AGR3: variants seen among roughly 807,000 people sequenced by gnomAD.
The protein encoded by AGR3 is anterior gradient 3, protein disulphide isomerase family member.
A neutral mutation model predicts 24.5 loss-of-function variants in AGR3; 37 were observed. That is an observed-to-expected ratio of 1.51 (90% confidence interval 1.16 to 1.99). AGR3 has a LOEUF of 1.99. Among genes scored for constraint, AGR3 ranks in the 30% most tolerant of loss-of-function variants. The pLI, the probability that AGR3 is intolerant of heterozygous loss-of-function variation, is 0.00. For missense variants in AGR3, 228 were observed against 191.1 expected (o/e 1.19, Z -1.14); for synonymous variants, 75 against 61.6 (o/e 1.22, Z -1.02).
chr7:16,864,978 C>T (rs146211125), intron 3 of AGR3: 7 of 984,852 alleles, frequency 7.1e-6, no homozygotes, highest in Admixed American at 5.1e-5. Context: ...AGTCTCCTGG[C>T]ATGTGTGACA....
At chr7:16,859,039 G>A (rs1400676516), downstream of AGR3, among the ~76,000 whole-genome samples, 1 of 152,108 alleles carries the variant, frequency 6.6e-6, no homozygotes, top group African/African-American at 2.4e-5. Flanking sequence ...TGGTAACATG[G>A]AGATCATTTA....
chr7:16,867,060 C>A (rs1455638298), intron 3 of AGR3, among the ~76,000 whole-genome samples: 1 of 152,004 alleles, frequency 6.6e-6, no homozygotes, highest in Non-Finnish European at 1.5e-5. Flanking sequence ...ATTTTTGTAC[C>A]CCAGGTATCT....
intron 3 of AGR3, among the ~76,000 whole-genome samples, chr7:16,863,977 A>G (rs1385502499): frequency 6.6e-6 from 1 of 152,126 alleles, no homozygotes; most frequent in Non-Finnish European, 1.5e-5. Context: ...ACATTTTGAT[A>G]TTTGGCATAA....
At chr7:16,864,178 A>C in intron 3 of AGR3, 1 of 765,060 alleles carries the variant, frequency 1.3e-6, no homozygotes, top group Non-Finnish European at 2.0e-6. Context: ...GTAATTCATC[A>C]GAGAAGTATA....
intron 3 of AGR3, chr7:16,864,589 T>G: frequency 6.7e-7 from 1 of 1,483,942 alleles, no homozygotes; most frequent in Non-Finnish European, 9.4e-7. Context: ...CTGAGCTTGA[T>G]TTCTCATTGG....
At chr7:16,881,710 C>T (rs3735251) in intron 1 of AGR3, among the ~76,000 whole-genome samples, 124,062 of 152,134 alleles carry the variant, frequency 0.82, 50,734 homozygotes, top group Middle Eastern at 0.88. Flanking sequence ...GAATACTTTT[C>T]AAAGAGTCGT....
intron 1 of AGR3, 29 bp downstream of exon 1, chr7:16,881,915 T>A (rs1264023642): frequency 2.1e-6 from 1 of 470,944 alleles, no homozygotes; most frequent in Admixed American, 2.3e-5. Context: ...GACCACTGAT[T>A]AAGTAATCTG....
downstream of AGR3, chr7:16,859,323 C>G: frequency 2.8e-6 from 1 of 350,886 alleles, no homozygotes; most frequent in Non-Finnish European, 5.2e-6. Context: ...GTATAGGCAC[C>G]TCTTATTTAG....
chr7:16,877,308 A>G (rs1291038342), intron 2 of AGR3, among the ~76,000 whole-genome samples: 1 of 135,524 alleles, frequency 7.4e-6, no homozygotes. Context: ...TATAGTATAT[A>G]TAATATATAA....
intron 3 of AGR3, chr7:16,866,403 A>C: frequency 3.6e-6 from 1 of 281,354 alleles, no homozygotes; most frequent in South Asian, 4.2e-5. Context: ...GTCCCTGAAG[A>C]TGCCAGGTTC....
intron 7 of AGR3, among the ~76,000 whole-genome samples, chr7:16,860,015 G>A (rs1781609632): frequency 6.6e-6 from 1 of 151,902 alleles, no homozygotes; most frequent in African/African-American, 2.4e-5. Context: ...CAGCATTTTG[G>A]GAGGCTGAGG....
chr7:16,862,361 A>G (rs909576542), intron 4 of AGR3, among the ~76,000 whole-genome samples: 4 of 151,994 alleles, frequency 2.6e-5, no homozygotes, highest in African/African-American at 9.7e-5. Context: ...TTCTCAGCTC[A>G]CCCCTTTCTT....
chr7:16,859,560 G>A lies in AGR3; in HGVS notation c.*22C>T, dbSNP rs1781601039. 1 of 1,524,418 alleles carries A rather than the reference G, an allele frequency of 6.6e-7. No homozygotes were observed. The highest frequency in any genetic ancestry group is 2.3e-5 in the East Asian group (1 of 43,648). 94.4% of individuals were successfully genotyped at this position (1,524,418 alleles called of 1,614,324 possible). On this transcript the variant is annotated 3_prime_UTR_variant, in exon 8 of 8. Coordinates refer to ENST00000310398, the MANE Select transcript of AGR3 (RefSeq NM_176813.5). ...TCATGAAATTTGACTTCTTTGAAGTGAAGGCTTTTTTCCATCATCTCTTAT... is the reference window on the plus strand; with the variant it reads ...TCATGAAATTTGACTTCTTTGAAGTAAAGGCTTTTTTCCATCATCTCTTAT...
intron 4 of AGR3, 135 bp from the exon 5 acceptor site, chr7:16,862,195 T>A (rs1781664157): frequency 3.0e-6 from 2 of 657,748 alleles, no homozygotes; most frequent in Non-Finnish European, 5.2e-6. Context: ...TTCATTGGCC[T>A]ATTGCCACTT....
intron 3 of AGR3, among the ~76,000 whole-genome samples, chr7:16,863,535 A>C (rs1169287958): frequency 6.6e-6 from 1 of 152,064 alleles, no homozygotes; most frequent in East Asian, 1.9e-4. Flanking sequence ...ACTTTTTCTT[A>C]TATTTTCTCC....
intron 6 of AGR3, among the ~76,000 whole-genome samples, chr7:16,860,816 T>C (rs1781626681): frequency 6.6e-6 from 1 of 152,170 alleles, no homozygotes; most frequent in Non-Finnish European, 1.5e-5. Context: ...TTCCCCCGTT[T>C]TGGAGTTCCT....
At chr7:16,881,144 A>C (rs1171754653) in intron 1 of AGR3, among the ~76,000 whole-genome samples, 1 of 152,204 alleles carries the variant, frequency 6.6e-6, no homozygotes, top group Non-Finnish European at 1.5e-5. Flanking sequence ...TGGAATCTGC[A>C]TTTTAAAAAA....
At chr7:16,865,648 CT>C in intron 3 of AGR3, 1 of 783,814 alleles carries the variant, frequency 1.3e-6, no homozygotes, top group South Asian at 1.4e-5. Flanking sequence ...GAATTATCTT[CT>C]TATCAGTTCT....
At position 16,862,110 on chromosome 7, in the gene AGR3, T is replaced by A. The variant is rs770684235; in HGVS notation, c.227-50A>T. On this transcript the variant is annotated intron_variant, in intron 4 of 7. Transcript: ENST00000310398. ...GTTAGTTTTAAGGATCAAGAGACCT[T>A]TAATGTAACATAGCAAAATAAAGCT... 4.5e-6 allele frequency: 6 copies of A among 1,338,532 alleles called. No individual in the cohort carries two copies. In the East Asian group the frequency reaches 1.4e-4, roughly 31 times the overall value. The allele number at this position is 1,338,532 out of a possible 1,614,324, so 82.9% of individuals were successfully genotyped here.
Sources: gnomAD v4.1 joint callset for allele counts (sites outside exome capture counted in the v4.1 genomes callset) on GRCh38, gnomAD v4.1.1 for gene constraint, MANE v1.5 for transcripts, NCBI Gene and HGNC (gene_info 2026-07-23, HGNC 2026-07-21) for gene names.